SMCHD1: variants seen among roughly 807,000 people sequenced by gnomAD.
SMCHD1 encodes the protein structural maintenance of chromosomes flexible hinge domain containing 1, also known as structural maintenance of chromosomes flexible hinge domain-containing protein 1.
A neutral mutation model predicts 254.7 loss-of-function variants in SMCHD1; 78 were observed. The observed-to-expected ratio is 0.31, with a 90% CI of 0.26 to 0.37. SMCHD1 has a LOEUF of 0.37. SMCHD1 is among the 10% of genes least tolerant of loss of function. SMCHD1 has a pLI of 1.00. For missense variants in SMCHD1, 1,840 were observed against 2,408.1 expected, an observed-to-expected ratio of 0.76 and a Z score of 4.94; for synonymous variants, 766 against 794.9, an observed-to-expected ratio of 0.96 and a Z score of 0.61.
intron 19 of SMCHD1, 25 bp from the exon 20 acceptor site, chr18:2,722,494 C>T (rs1338595923): frequency 6.3e-7 from 1 of 1,599,220 alleles, no homozygotes; most frequent in Non-Finnish European, 8.5e-7. Context: ...ACTTGCTTTT[C>T]ATTTCATTTT....
At position 2,706,354 on chromosome 18, in the gene SMCHD1, A is replaced by G. The variant is rs775338929; in HGVS notation, c.1957-10A>G. The G allele has an allele frequency of 1.3e-6, 2 of 1,526,846 alleles. No homozygotes were observed. The highest frequency in any genetic ancestry group is 2.4e-5 in the East Asian group (1 of 42,080). The allele number at this position is 1,526,846 out of a possible 1,614,324, so 94.6% of individuals were successfully genotyped here. On this transcript the variant is annotated splice_polypyrimidine_tract_variant and intron_variant, in intron 14 of 47. Coordinates refer to ENST00000320876, the MANE Select transcript of SMCHD1 (RefSeq NM_015295.3). ...TTTTCTTTGAAATGTTGGTAAATGT[A>G]TTTATTCAGGAACCTCAGGCACTAT...
At position 2,791,910 on chromosome 18, in the gene SMCHD1, A is replaced by T. The variant is rs74846606; in HGVS notation, c.5720-4039A>T. On this transcript the variant is annotated intron_variant, in intron 45 of 47. Coordinates refer to ENST00000320876, the MANE Select transcript of SMCHD1 (RefSeq NM_015295.3). ...GTACTAATTAGTGCATGCATGTGAG[A>T]AGACCACCCAAGGCCAGAAAGAAAC... is the stretch of plus-strand genomic sequence containing the variant. 5.2e-3 allele frequency among the ~76,000 whole-genome samples: 793 copies of T among 152,316 alleles called. 7 individuals carry two copies. The highest frequency in any genetic ancestry group is 0.018 in the African/African-American group (757 of 41,556).
In SMCHD1 at chr18:2,672,888, T is replaced by TA. The variant is rs1367306403; in HGVS notation, c.425-392dup. Among the ~76,000 whole-genome samples, 3 of 152,358 alleles carry TA rather than the reference T, an allele frequency of 2.0e-5. No individual in the cohort carries two copies. The East Asian group carries it at 5.8e-4, about 29-fold the overall frequency. Reference sequence around the variant, plus strand: ...AAAAAAGACACTTATTATCACTTCATATTTGCCCTCGTATTTCTAGATGTG... The same window carrying TA: ...AAAAAAGACACTTATTATCACTTCATAATTTGCCCTCGTATTTCTAGATGTG... On this transcript the variant is annotated intron_variant, in intron 3 of 47. Coordinates refer to ENST00000320876, the MANE Select transcript of SMCHD1 (RefSeq NM_015295.3).
At chr18:2,675,185 G>A (rs773749464) in intron 5 of SMCHD1, among the ~76,000 whole-genome samples, 2 of 151,456 alleles carry the variant, frequency 1.3e-5, no homozygotes, top group Non-Finnish European at 2.9e-5. Context: ...ACAGAGCCTC[G>A]CATATGGTAA....
chr18:2,792,502 G>A (rs1023899093), intron 45 of SMCHD1, among the ~76,000 whole-genome samples: 7 of 152,194 alleles, frequency 4.6e-5, no homozygotes, highest in African/African-American at 1.7e-4. Context: ...TGACTGCACA[G>A]GGTTCAGTAG....
chr18:2,743,686 A>C, intron 28 of SMCHD1, 75 bp from the exon 29 acceptor site: 1 of 1,178,370 alleles, frequency 8.5e-7, no homozygotes, highest in Non-Finnish European at 1.2e-6. Flanking sequence ...TGGGTTAATG[A>C]CAAAACATTT....
intron 42 of SMCHD1, among the ~76,000 whole-genome samples, 187 bp downstream of exon 42, chr18:2,776,111 GC>G (rs1194170687): frequency 6.6e-6 from 1 of 151,946 alleles, no homozygotes; most frequent in Admixed American, 6.6e-5. Flanking sequence ...TGTTTTATTT[GC>G]CAATTAAATA....
At chr18:2,707,509 T>G in intron 15 of SMCHD1, 54 bp from the exon 16 acceptor site, 15 of 1,057,756 alleles carry the variant, frequency 1.4e-5, no homozygotes, top group Non-Finnish European at 1.8e-5. Context: ...TCTTTTTAAT[T>G]AAGATCATAA....
At position 2,751,295 on chromosome 18, in the gene SMCHD1, A is replaced by G; in HGVS notation, c.4183A>G (p.Ile1395Val). 6.4e-7 allele frequency: 1 copy of G among 1,561,740 alleles called. No homozygotes were observed. The highest frequency in any genetic ancestry group is 8.7e-7 in the Non-Finnish European group (1 of 1,153,842). Reference protein sequence around the residue: ...GLFTDFMISVISEDDSIIKNI... With the variant: ...GLFTDFMISVVSEDDSIIKNI... ...CATGACAGATTTTATGATTAGTGTT[A>G]TTTCTGAAGATGACAGTATCATTAA... The change falls in exon 33 of 48, where the codon ATT (isoleucine) becomes GTT (valine). Residue 1395 changes from isoleucine to valine, a missense_variant. Ile to Val is a conservative substitution (Grantham distance 29, BLOSUM62 3). Transcript: ENST00000320876.
At chr18:2,728,709 C>G in intron 23 of SMCHD1, 113 bp downstream of exon 23, 2 of 1,143,160 alleles carry the variant, frequency 1.7e-6, no homozygotes, top group Non-Finnish European at 2.4e-6. Flanking sequence ...ACGATTATTC[C>G]GTGGAAGGAT....
In SMCHD1 at chr18:2,656,163, T is replaced by A; in HGVS notation, c.88T>A (p.Leu30Met). ...GGGVGHRTVY[L>M]FDRREKESEL... ...AGGCGTCGGCCACAGGACGGTGTACTTGTTTGATCGGCGCGAAAAGGAGTC... is the reference window on the plus strand; with the variant it reads ...AGGCGTCGGCCACAGGACGGTGTACATGTTTGATCGGCGCGAAAAGGAGTC... The change falls in exon 1 of 48, where the codon TTG (leucine) becomes ATG (methionine). Residue 30 changes from leucine (L) to methionine (M), a missense_variant. Physicochemically the swap from Leu to Met is conservative, Grantham distance 15. Transcript: ENST00000320876. The A allele has an allele frequency of 6.6e-7, 1 of 1,517,088 alleles. No homozygotes were observed. The highest frequency in any genetic ancestry group is 1.3e-5 in the South Asian group (1 of 78,878). The allele number at this position is 1,517,088 out of a possible 1,614,324, so 94.0% of individuals were successfully genotyped here.
chr18:2,680,775 T>C (rs1044143370), intron 5 of SMCHD1, among the ~76,000 whole-genome samples: 1 of 152,232 alleles, frequency 6.6e-6, no homozygotes, highest in African/African-American at 2.4e-5. Context: ...TTTCTCCAAC[T>C]GTTTTCATTG....
At chr18:2,767,615 A>G (rs1598423325) in intron 37 of SMCHD1, among the ~76,000 whole-genome samples, 1 of 124,542 alleles carries the variant, frequency 8.0e-6, no homozygotes, top group Non-Finnish European at 1.6e-5. Context: ...TTTGAGACAG[A>G]GTCTTGCTCT....
At chr18:2,716,190 G>A (rs770352604) in intron 17 of SMCHD1, among the ~76,000 whole-genome samples, 15 of 152,182 alleles carry the variant, frequency 9.9e-5, no homozygotes, top group Non-Finnish European at 2.2e-4. Flanking sequence ...TTAGTGTGGT[G>A]GCTTTCTCCA....
chr18:2,778,082 C>A, intron 43 of SMCHD1, 87 bp from the exon 44 acceptor site: 1 of 1,117,952 alleles, frequency 8.9e-7, no homozygotes, highest in Non-Finnish European at 1.3e-6. Flanking sequence ...AGCACTCTTT[C>A]AAAGAAAGAC....
chr18:2,803,219 A>AT lies in SMCHD1; in HGVS notation c.*667_*668insT, dbSNP rs2076394878. ...GTGTGTATATATATATATATATATA[A>AT]ATATATATATATAAAATATTCAGCA... On this transcript the variant is annotated 3_prime_UTR_variant, in exon 48 of 48. Coordinates refer to ENST00000320876, the MANE Select transcript of SMCHD1 (RefSeq NM_015295.3). The AT allele has an allele frequency of 1.3e-4, 14 of 104,118 alleles. No homozygotes were observed. The highest frequency in any genetic ancestry group is 3.0e-4 in the South Asian group (1 of 3,310). The allele number at this position is 104,118 out of a possible 1,614,324, so 6.4% of individuals were successfully genotyped here.
At chr18:2,681,911 A>T (rs182108568) in intron 5 of SMCHD1, among the ~76,000 whole-genome samples, 2 of 152,366 alleles carry the variant, frequency 1.3e-5, no homozygotes, top group Admixed American at 1.3e-4. Flanking sequence ...TTTAAGCTGT[A>T]GAAATGGATC....
In SMCHD1 at chr18:2,724,980, C is replaced by T; in HGVS notation, c.2685C>T (p.Asn895=). The change falls in exon 21 of 48, where the codon AAC becomes AAT. Residue 895 remains asparagine (N), a synonymous_variant. Coordinates refer to ENST00000320876, the MANE Select transcript of SMCHD1 (RefSeq NM_015295.3). The stretch of plus-strand genomic sequence containing the variant: ...GTGTTACAGCCAAGGGCCCTGTAAA[C>T]TCTTGTCAAGGCAAGGTAAGCATTA... ...IRGVTAKGPV[N]SCQGKNYNLK... is the part of the protein sequence containing the mutation. 6.3e-7 allele frequency: 1 copy of T among 1,579,962 alleles called. No individual in the cohort carries two copies. The highest frequency in any genetic ancestry group is 8.6e-7 in the Non-Finnish European group (1 of 1,158,594).
At chr18:2,760,065 AC>A (rs2075759918) in intron 34 of SMCHD1, among the ~76,000 whole-genome samples, 1 of 152,116 alleles carries the variant, frequency 6.6e-6, no homozygotes, top group South Asian at 2.1e-4. Context: ...TGCAAAAGCT[AC>A]CCTAGGGATC....
Sources: allele counts gnomAD v4.1 joint callset (sites outside exome capture counted in the v4.1 genomes callset), GRCh38; gene constraint gnomAD v4.1.1; transcripts MANE v1.5; gene names NCBI Gene and HGNC (gene_info 2026-07-23, HGNC 2026-07-21).